The following MAML3 variants were observed in gnomAD, a reference collection of about 807,000 sequenced individuals.
The protein encoded by MAML3 is mastermind like transcriptional coactivator 3.
MAML3 carries 27 observed loss-of-function variants against 101.9 expected under a neutral mutation model. That is an observed-to-expected ratio of 0.27 (90% CI 0.20 to 0.37). The LOEUF is 0.37. MAML3 is among the 10% of genes least tolerant of loss of function. The pLI is 1.00. For synonymous variants in MAML3, 501 were observed against 555.9 expected (o/e 0.90, Z 1.39); for missense variants, 1,316 against 1,444.9 (o/e 0.91, Z 1.45).
intron 1 of MAML3, among the ~76,000 whole-genome samples, chr4:140,080,604 A>ACCTCTAAAAAACCTAC (rs1727847422): frequency 6.6e-6 from 1 of 152,142 alleles, no homozygotes; most frequent in African/African-American, 2.4e-5. Context: ...TTTGCAGAGC[A>ACCTCTAAAAAACCTAC]CCTCTAAAAA....
chr4:139,771,927 T>A, intron 2 of MAML3, among the ~76,000 whole-genome samples: 2 of 144,488 alleles, frequency 1.4e-5, no homozygotes, highest in African/African-American at 2.7e-5. Flanking sequence ...CCACACCAGG[T>A]CACCTCTACT....
At chr4:140,018,986 G>A (rs1393229883) in intron 1 of MAML3, among the ~76,000 whole-genome samples, 1 of 147,538 alleles carries the variant, frequency 6.8e-6, no homozygotes, top group African/African-American at 2.5e-5. Flanking sequence ...TTGCTAATAT[G>A]TGCAAAATTA....
chr4:139,770,412 G>A (rs934678208), intron 2 of MAML3, among the ~76,000 whole-genome samples: 11 of 152,182 alleles, frequency 7.2e-5, no homozygotes, highest in African/African-American at 2.2e-4. Context: ...GAAGGAAAAC[G>A]GAAGTCTCTA....
chr4:140,125,669 G>C (rs574705423), intron 1 of MAML3, among the ~76,000 whole-genome samples: 12 of 152,184 alleles, frequency 7.9e-5, no homozygotes, highest in Middle Eastern at 3.4e-3. Flanking sequence ...TGTAGCCCAG[G>C]CTGGTCTCAA....
At chr4:140,151,452 G>A (rs1277851982) in intron 1 of MAML3, among the ~76,000 whole-genome samples, 1 of 152,152 alleles carries the variant, frequency 6.6e-6, no homozygotes, top group East Asian at 1.9e-4. Flanking sequence ...TTGTCACCGA[G>A]CGCCGGCCCG....
intron 2 of MAML3, among the ~76,000 whole-genome samples, chr4:139,774,685 A>C (rs971606595): frequency 2.6e-5 from 4 of 152,250 alleles, no homozygotes; most frequent in Non-Finnish European, 5.9e-5. Context: ...CAGAAGGAAA[A>C]TCATGTTTAA....
intron 2 of MAML3, among the ~76,000 whole-genome samples, chr4:139,769,768 A>G (rs1371868301): frequency 6.6e-6 from 1 of 152,110 alleles, no homozygotes; most frequent in East Asian, 1.9e-4. Context: ...GGCATGTGCC[A>G]CCACATCTGG....
intron 3 of MAML3, among the ~76,000 whole-genome samples, chr4:139,729,085 C>T (rs1047214058): frequency 2.3e-5 from 3 of 130,624 alleles, no homozygotes; most frequent in African/African-American, 8.7e-5. Context: ...TTTGTTTGTA[C>T]AATAGCTGCC....
chr4:139,739,769 T>C (rs1729095691), intron 2 of MAML3, among the ~76,000 whole-genome samples: 2 of 149,320 alleles, frequency 1.3e-5, no homozygotes, highest in Admixed American at 6.7e-5. Flanking sequence ...AGCCACTGGA[T>C]AGTCTTGTTA....
intron 2 of MAML3, among the ~76,000 whole-genome samples, chr4:139,788,078 AAGATGAGGCACC>A (rs757025171): frequency 6.6e-6 from 1 of 152,246 alleles, no homozygotes; most frequent in Non-Finnish European, 1.5e-5. Flanking sequence ...GACAGTCCTG[AAGATGAGGCACC>A]AGAGTCCAAT....
At chr4:139,940,354 G>A (rs963521021) in intron 1 of MAML3, among the ~76,000 whole-genome samples, 2 of 152,134 alleles carry the variant, frequency 1.3e-5, no homozygotes, top group Non-Finnish European at 1.5e-5. Context: ...TGCACACTAT[G>A]TAAAGATTTA....
At chr4:139,837,370 C>T (rs1352710184) in intron 2 of MAML3, among the ~76,000 whole-genome samples, 7 of 151,120 alleles carry the variant, frequency 4.6e-5, no homozygotes, top group Non-Finnish European at 5.9e-5. Flanking sequence ...TGGTGGTGGG[C>T]GCCTGTAGTC....
At position 139,919,485 on chromosome 4, in the gene MAML3, A is replaced by T. The variant is rs116549940; in HGVS notation, c.469-28518T>A. Among the ~76,000 whole-genome samples the T allele has an allele frequency of 3.1e-3, 466 of 152,304 alleles. 3 individuals carry two copies. Among genetic ancestry groups the T allele is most frequent in the African/African-American group, 0.01 (434 of 41,574 alleles). ...TTTTTATGTAGAAAGTTTGGATGGA[A>T]CTTAACTTTCCTTCTTTCTTTCTTA... On this transcript the variant is annotated intron_variant, in intron 1 of 4. Coordinates refer to ENST00000509479, the MANE Select transcript of MAML3 (RefSeq NM_018717.5).
At chr4:140,019,053 C>T (rs750054491) in intron 1 of MAML3, among the ~76,000 whole-genome samples, 1 of 147,094 alleles carries the variant, frequency 6.8e-6, no homozygotes, top group Non-Finnish European at 1.5e-5. Context: ...ACCTCAACCT[C>T]TTGACAAACT....
At chr4:139,796,883 C>T (rs1730520317) in intron 2 of MAML3, among the ~76,000 whole-genome samples, 1 of 152,134 alleles carries the variant, frequency 6.6e-6, no homozygotes. Flanking sequence ...AACAAAGACC[C>T]AGTAGTTAGG....
intron 1 of MAML3, among the ~76,000 whole-genome samples, chr4:139,934,083 A>G (rs1451768077): frequency 2.0e-5 from 3 of 152,084 alleles, no homozygotes; most frequent in African/African-American, 7.2e-5. Flanking sequence ...GTGTGAATAT[A>G]TGAATGTGTG....
intron 1 of MAML3, among the ~76,000 whole-genome samples, chr4:140,096,898 A>ATT (rs79698582): frequency 1.1e-4 from 16 of 151,644 alleles, no homozygotes; most frequent in Non-Finnish European, 1.5e-4. Flanking sequence ...TATCAAGGTG[A>ATT]TTTTTTTTAA....
At chr4:140,116,462 G>A (rs529308653) in intron 1 of MAML3, among the ~76,000 whole-genome samples, 2 of 152,208 alleles carry the variant, frequency 1.3e-5, no homozygotes, top group African/African-American at 4.8e-5. Context: ...AAACCAAGAC[G>A]GTGTCTATTC....
At chr4:139,758,859 T>A (rs959740025) in intron 2 of MAML3, among the ~76,000 whole-genome samples, 2 of 152,206 alleles carry the variant, frequency 1.3e-5, no homozygotes, top group Non-Finnish European at 2.9e-5. Flanking sequence ...CCAAGTGATA[T>A]CCCTGTTTCC....
Sources: allele counts gnomAD v4.1 joint callset (sites outside exome capture counted in the v4.1 genomes callset), GRCh38; gene constraint gnomAD v4.1.1; transcripts MANE v1.5; gene names NCBI Gene and HGNC (gene_info 2026-07-23, HGNC 2026-07-21).